Variants in ANKFN1 observed in about 807,000 individuals in gnomAD.
ANKFN1 encodes the protein ankyrin repeat and fibronectin type III domain containing 1.
ANKFN1 carries 74 observed loss-of-function variants against 108.7 expected under a neutral mutation model. The observed-to-expected ratio is 0.68, with a 90% CI of 0.56 to 0.83. ANKFN1 has a LOEUF of 0.83. ANKFN1 is among the 40% of genes least tolerant of loss of function. The pLI is 0.00. For synonymous variants in ANKFN1, 547 were observed against 516.2 expected, an observed-to-expected ratio of 1.06 and a Z score of -0.81; for missense variants, 1,505 against 1,382.3, an observed-to-expected ratio of 1.09 and a Z score of -1.41.
At chr17:56,084,991 C>A (rs554070721) in intron 4 of ANKFN1, among the ~76,000 whole-genome samples, 1 of 150,686 alleles carries the variant, frequency 6.6e-6, no homozygotes, top group African/African-American at 2.4e-5. Context: ...TTAATATAAT[C>A]TAGATGTGTG....
chr17:56,431,553 C>G (rs895437398), intron 8 of ANKFN1, among the ~76,000 whole-genome samples: 20 of 152,186 alleles, frequency 1.3e-4, no homozygotes, highest in Admixed American at 7.2e-4. Context: ...CCCACTCAAT[C>G]TGAGCCCCGA....
chr17:56,068,916 A>G (rs1367266834), intron 4 of ANKFN1, among the ~76,000 whole-genome samples: 1 of 152,238 alleles, frequency 6.6e-6, no homozygotes, highest in Non-Finnish European at 1.5e-5. Flanking sequence ...TTTGAAATCT[A>G]CATGATGTAT....
intron 4 of ANKFN1, among the ~76,000 whole-genome samples, chr17:56,077,625 T>C (rs1905196499): frequency 6.6e-6 from 1 of 152,242 alleles, no homozygotes; most frequent in African/African-American, 2.4e-5. Context: ...CAGTCTTTAC[T>C]CCCCTTCTCT....
At chr17:56,149,023 G>A (rs1313437307), upstream of ANKFN1, among the ~76,000 whole-genome samples, 1 of 152,174 alleles carries the variant, frequency 6.6e-6, no homozygotes, top group Non-Finnish European at 1.5e-5. Flanking sequence ...CACACGGGGA[G>A]CAAATGGCAG....
intron 3 of ANKFN1, among the ~76,000 whole-genome samples, chr17:56,310,089 G>A (rs1018585252): frequency 6.6e-6 from 1 of 152,048 alleles, no homozygotes; most frequent in African/African-American, 2.4e-5. Context: ...GACTAGGGGC[G>A]TGTAGTGTAT....
intron 4 of ANKFN1, among the ~76,000 whole-genome samples, chr17:56,124,003 A>T (rs1423620018): frequency 6.6e-6 from 1 of 152,148 alleles, no homozygotes; most frequent in East Asian, 1.9e-4. Context: ...ACACCTGCTG[A>T]CCAGTAGACG....
chr17:56,415,871 G>C (rs979579137), intron 8 of ANKFN1, among the ~76,000 whole-genome samples: 3 of 152,098 alleles, frequency 2.0e-5, no homozygotes, highest in African/African-American at 7.2e-5. Flanking sequence ...CAGACACATA[G>C]ACCAATGGAA....
chr17:56,311,307 G>T (rs1488734126), intron 3 of ANKFN1, among the ~76,000 whole-genome samples: 1 of 152,124 alleles, frequency 6.6e-6, no homozygotes, highest in South Asian at 2.1e-4. Flanking sequence ...TGTAAATTCA[G>T]ATGCTTCTAA....
intron 4 of ANKFN1, among the ~76,000 whole-genome samples, chr17:56,067,157 C>T (rs1905069344): frequency 6.6e-6 from 1 of 152,026 alleles, no homozygotes; most frequent in African/African-American, 2.4e-5. Context: ...CCACTGCACT[C>T]CAGCCTGGGC....
chr17:56,350,662 A>C, intron 4 of ANKFN1, 104 bp from the exon 5 acceptor site: 1 of 1,078,594 alleles, frequency 9.3e-7, no homozygotes. Context: ...TACCAGCTCT[A>C]ATATTGTATT....
At chr17:56,505,060 A>G (rs553697424) in intron 20 of ANKFN1, among the ~76,000 whole-genome samples, 1 of 152,220 alleles carries the variant, frequency 6.6e-6, no homozygotes, top group Non-Finnish European at 1.5e-5. Flanking sequence ...TTTGCTCAAG[A>G]TCATATATGC....
intron 8 of ANKFN1, among the ~76,000 whole-genome samples, chr17:56,404,965 CCA>C (rs1431947616): frequency 6.6e-6 from 1 of 152,158 alleles, no homozygotes; most frequent in Non-Finnish European, 1.5e-5. Context: ...CTACCTAGCT[CCA>C]GTCTGATACT....
intron 4 of ANKFN1, among the ~76,000 whole-genome samples, chr17:56,350,505 A>G (rs2046217160): frequency 6.6e-6 from 1 of 152,200 alleles, no homozygotes; most frequent in Admixed American, 6.5e-5. Flanking sequence ...ATGTGAATGA[A>G]TATGTTTATA....
intron 1 of ANKFN1, among the ~76,000 whole-genome samples, chr17:56,176,028 T>G (rs1459625663): frequency 6.6e-6 from 1 of 151,838 alleles, no homozygotes; most frequent in Non-Finnish European, 1.5e-5. Context: ...TAAATCTATT[T>G]ATTTGATTTT....
chr17:56,497,460 T>C (rs2051235498), intron 19 of ANKFN1, among the ~76,000 whole-genome samples: 1 of 152,162 alleles, frequency 6.6e-6, no homozygotes, highest in Admixed American at 6.5e-5. Flanking sequence ...ACTAGTTCAC[T>C]CTAGCTAGCT....
chr17:56,324,317 A>T (rs948808052), intron 3 of ANKFN1, among the ~76,000 whole-genome samples: 2 of 152,230 alleles, frequency 1.3e-5, no homozygotes, highest in African/African-American at 4.8e-5. Flanking sequence ...TACTTACTAA[A>T]TGTCTATTGA....
At chr17:56,151,993 T>C (rs1194813360), upstream of ANKFN1, among the ~76,000 whole-genome samples, 1 of 856 alleles carries the variant, frequency 1.2e-3, no homozygotes, top group Non-Finnish European at 2.8e-3. Context: ...ATTAAAGAGT[T>C]TTTTTTAAAG....
intron 19 of ANKFN1, among the ~76,000 whole-genome samples, chr17:56,494,243 G>A (rs942039224): frequency 2.0e-5 from 3 of 152,138 alleles, no homozygotes; most frequent in Non-Finnish European, 2.9e-5. Context: ...AATAGAGAAA[G>A]AACTTTCAAG....
Position 56,350,749 on chromosome 17 carries a change from G to T in ANKFN1, c.189-17G>T. On this transcript the variant is annotated splice_polypyrimidine_tract_variant and intron_variant, in intron 4 of 20. Coordinates refer to ENST00000682825, the MANE Select transcript of ANKFN1 (RefSeq NM_001370326.1). ...TTGTGGTGTAAAAGATATAACATCG[G>T]ACTTTCCTCTTCTTAGGAATTGTCG... The T allele has an allele frequency of 6.2e-7, 1 of 1,608,968 alleles. No individual in the cohort carries two copies. Among genetic ancestry groups the T allele is most frequent in the Non-Finnish European group, 8.5e-7 (1 of 1,175,742 alleles).
Sources: allele counts gnomAD v4.1 joint callset (sites outside exome capture counted in the v4.1 genomes callset), GRCh38; gene constraint gnomAD v4.1.1; transcripts MANE v1.5; gene names NCBI Gene and HGNC (gene_info 2026-07-23, HGNC 2026-07-21).